Variants in HRK observed in about 807,000 individuals in gnomAD.
HRK encodes activator of apoptosis harakiri.
A neutral mutation model predicts 5.9 loss-of-function variants in HRK; 6 were observed. The ratio of observed to expected loss-of-function variants is 1.02; its 90% CI spans 0.56 to 2.01. The LOEUF is 2.01. Ranked by LOEUF, HRK falls within the 30% of genes most tolerant of loss-of-function variation. The pLI, the probability that HRK is intolerant of heterozygous loss-of-function variation, is 0.00. For missense variants in HRK, 133 were observed against 128.3 expected (o/e 1.04, Z -0.18); for synonymous variants, 85 against 65.1 (o/e 1.31, Z -1.47).
chr12:116,866,712 C>G (rs1158397048), intron 1 of HRK, among the ~76,000 whole-genome samples: 3 of 152,082 alleles, frequency 2.0e-5, no homozygotes, highest in Non-Finnish European at 2.9e-5. Flanking sequence ...TGGAGAGAGA[C>G]CTGAGCTCCT....
intron 1 of HRK, among the ~76,000 whole-genome samples, chr12:116,864,420 C>T (rs1878466844): frequency 6.6e-6 from 1 of 152,136 alleles, no homozygotes; most frequent in African/African-American, 2.4e-5. Flanking sequence ...GAGACCAGTA[C>T]TGTAAATGAC....
At position 116,859,007 on chromosome 12, in the gene HRK, C is replaced by T. The variant is rs1051803016; in HGVS notation, c.*2516G>A. The T allele has an allele frequency of 6.6e-6, 1 of 151,980 alleles. No individual in the cohort carries two copies. The highest frequency in any genetic ancestry group is 1.5e-5 in the Non-Finnish European group (1 of 68,022). The allele number at this position is 151,980 out of a possible 1,614,324, so 9.4% of individuals were successfully genotyped here. A position where few individuals can be genotyped will look rare whatever the true frequency, so the allele number is the denominator to read the frequency against. ...ACCCCGTGTCAAAAATCGGGGCAGT[C>T]GAGAAGTGCACTCCAATGAATGATG... On this transcript the variant is annotated 3_prime_UTR_variant, in exon 2 of 2. Transcript: ENST00000257572.
In HRK at chr12:116,878,747, A is replaced by AC. The variant is rs1879029866; in HGVS notation, c.*56+2228dup. Among the ~76,000 whole-genome samples the AC allele has an allele frequency of 6.6e-6, 1 of 152,080 alleles. No individual in the cohort carries two copies. Among genetic ancestry groups the AC allele is most frequent in the Admixed American group, 6.5e-5 (1 of 15,272 alleles). ...ACCCTGGAGGGTGTGGCTGCAGGGGACGCCCGGGCGGGACAAGGCAGGTAG... is the reference window on the plus strand; with the variant it reads ...ACCCTGGAGGGTGTGGCTGCAGGGGACCGCCCGGGCGGGACAAGGCAGGTAG... On this transcript the variant is annotated intron_variant, in intron 1 of 1. Coordinates refer to ENST00000257572, the MANE Select transcript of HRK (RefSeq NM_003806.4). This position sits in a 1 kb window ranked among gnomAD's most constrained non-coding sequence, Gnocchi z 4.4.
At chr12:116,876,877 T>C (rs1175182062) in intron 1 of HRK, 1 of 152,368 alleles carries the variant, frequency 6.6e-6, no homozygotes, top group East Asian at 1.9e-4. Flanking sequence ...CTATCTCCTC[T>C]TCCCCCGCAA....
chr12:116,870,655 A>G (rs1056590738), intron 1 of HRK, among the ~76,000 whole-genome samples: 22 of 152,186 alleles, frequency 1.4e-4, no homozygotes, highest in Admixed American at 5.2e-4. Context: ...TCTAAAAAAA[A>G]GTAAAAAATT....
In HRK at chr12:116,859,390, C is replaced by T. The variant is rs1878274642; in HGVS notation, c.*2133G>A. 1 of 152,084 alleles carries T rather than the reference C, an allele frequency of 6.6e-6. No homozygotes were observed. The highest frequency in any genetic ancestry group is 1.5e-5 in the Non-Finnish European group (1 of 68,016). 9.4% of individuals were successfully genotyped at this position (152,084 alleles called of 1,614,324 possible). A position where few individuals can be genotyped will look rare whatever the true frequency, so the allele number is the denominator to read the frequency against. On this transcript the variant is annotated 3_prime_UTR_variant, in exon 2 of 2. Transcript: ENST00000257572. ...ATACAGCTGTGTAGTAATGGACGCC[C>T]CTCCCCAGAAAATGGGGGGAGCTGG...
At chr12:116,875,662 G>A (rs1878899965) in intron 1 of HRK, among the ~76,000 whole-genome samples, 1 of 152,076 alleles carries the variant, frequency 6.6e-6, no homozygotes, top group Admixed American at 6.6e-5. Context: ...TCCTGCCTCA[G>A]CCTCCCAAGT....
At chr12:116,866,177 C>G (rs1440533740) in intron 1 of HRK, among the ~76,000 whole-genome samples, 1 of 55,832 alleles carries the variant, frequency 1.8e-5, no homozygotes, top group Non-Finnish European at 3.8e-5. Flanking sequence ...AAAAAAAAAG[C>G]AGTTTCTCGC....
In HRK at chr12:116,857,102, G is replaced by C. The variant is rs1878179614; in HGVS notation, c.*4421C>G. ...TACTATATAACAATCTGCCAGCAAA[G>C]CTTGGGGTCACAGTGGTGACCTGAC... On this transcript the variant is annotated 3_prime_UTR_variant, in exon 2 of 2. Coordinates refer to ENST00000257572, the MANE Select transcript of HRK (RefSeq NM_003806.4). 1 of 152,224 alleles carries C rather than the reference G, an allele frequency of 6.6e-6. No individual in the cohort carries two copies. Among genetic ancestry groups the C allele is most frequent in the Non-Finnish European group, 1.5e-5 (1 of 68,040 alleles). 9.4% of individuals were successfully genotyped at this position (152,224 alleles called of 1,614,324 possible).
rs1048541637 is a variant in HRK at position 116,881,157 on chromosome 12, G to C, written c.151C>G (p.Arg51Gly). 11 of 1,178,870 alleles carry C rather than the reference G, an allele frequency of 9.3e-6. No individual in the cohort carries two copies. The highest frequency in any genetic ancestry group is 3.9e-5 in the East Asian group (1 of 25,580). The allele number at this position is 1,178,870 out of a possible 1,614,324, so 73.0% of individuals were successfully genotyped here. The change falls in exon 1 of 2, where the codon CGG (arginine) becomes GGG (glycine). Residue 51 changes from arginine to glycine, a missense_variant. Physicochemically the swap from Arg to Gly is moderately radical, Grantham distance 125. Transcript: ENST00000257572. ...GCCCTCCGGCTCCGCGCGCGGCGCC[G>C]CCACATGGTGCGCTGGTGCAGCTCG... ...GDELHQRTMWRRRARSRRAPA... is the reference protein window; with the variant it reads ...GDELHQRTMWGRRARSRRAPA...
rs1878168808 is a variant in HRK at position 116,856,825 on chromosome 12, C to G, written c.*4698G>C. ...GTGGCCTTCAGCTAAGTTGCTTAAC[C>G]TCTCTGAGCCTCAGCTTCCTCCACT... On this transcript the variant is annotated 3_prime_UTR_variant, in exon 2 of 2. Coordinates refer to ENST00000257572, the MANE Select transcript of HRK (RefSeq NM_003806.4). The surrounding 1 kb of genome is among the most constrained non-coding windows in gnomAD (Gnocchi z 4.4). 1.3e-5 allele frequency: 2 copies of G among 152,276 alleles called. No homozygotes were observed. Among genetic ancestry groups the G allele is most frequent in the African/African-American group, 2.4e-5 (1 of 41,464 alleles). The allele number at this position is 152,276 out of a possible 1,614,324, so 9.4% of individuals were successfully genotyped here. A position where few individuals can be genotyped will look rare whatever the true frequency, so the allele number is the denominator to read the frequency against.
chr12:116,875,165 T>G (rs145795264), intron 1 of HRK, among the ~76,000 whole-genome samples: 10 of 152,350 alleles, frequency 6.6e-5, no homozygotes, highest in African/African-American at 2.4e-4. Flanking sequence ...ATTTAAAGCC[T>G]ACAGTGTGTG....
chr12:116,873,668 C>A (rs998438146), intron 1 of HRK, among the ~76,000 whole-genome samples: 1 of 152,146 alleles, frequency 6.6e-6, no homozygotes, highest in African/African-American at 2.4e-5. Context: ...CCACCACATC[C>A]AGCTACTTTT....
chr12:116,856,381 T>C lies in HRK; in HGVS notation c.*5142A>G, dbSNP rs1312615505. ...CACACGGGCTCCTTGGCGCTTATAG[T>C]GCAAAGACCTTCAGGAGAAGAAACT... On this transcript the variant is annotated 3_prime_UTR_variant, in exon 2 of 2. Transcript: ENST00000257572. The surrounding 1 kb of genome is among the most constrained non-coding windows in gnomAD (Gnocchi z 4.4). 1 of 152,236 alleles carries C rather than the reference T, an allele frequency of 6.6e-6. No homozygotes were observed. Among genetic ancestry groups the C allele is most frequent in the South Asian group, 2.1e-4 (1 of 4,816 alleles). The allele number at this position is 152,236 out of a possible 1,614,324, so 9.4% of individuals were successfully genotyped here. A position where few individuals can be genotyped will look rare whatever the true frequency, so the allele number is the denominator to read the frequency against.
chr12:116,868,268 T>TAAAA (rs1878619969), intron 1 of HRK, among the ~76,000 whole-genome samples: 1 of 152,076 alleles, frequency 6.6e-6, no homozygotes, highest in Non-Finnish European at 1.5e-5. Context: ...AATGCCTGAC[T>TAAAA]TTTAAGTGTT....
Position 116,856,307 on chromosome 12 carries a change from G to A in HRK, c.*5216C>T, listed in dbSNP as rs1878143697. Reference sequence around the variant, plus strand: ...GCTTATTGCCTCTCTGGCTAGGCCAGAGGCCTCACTAAGGTTCTCCAGATA... The same window carrying A: ...GCTTATTGCCTCTCTGGCTAGGCCAAAGGCCTCACTAAGGTTCTCCAGATA... On this transcript the variant is annotated 3_prime_UTR_variant, in exon 2 of 2. Coordinates refer to ENST00000257572, the MANE Select transcript of HRK (RefSeq NM_003806.4). The surrounding 1 kb of genome is among the most constrained non-coding windows in gnomAD (Gnocchi z 4.4). 6.6e-6 allele frequency: 1 copy of A among 152,218 alleles called. No individual in the cohort carries two copies. The highest frequency in any genetic ancestry group is 1.5e-5 in the Non-Finnish European group (1 of 68,070). 9.4% of individuals were successfully genotyped at this position (152,218 alleles called of 1,614,324 possible).
Position 116,857,670 on chromosome 12 carries a change from A to G in HRK, c.*3853T>C, listed in dbSNP as rs1414988240. On this transcript the variant is annotated 3_prime_UTR_variant, in exon 2 of 2. Transcript: ENST00000257572. ...GGAGAACATGAGATCAGCTACATAC[A>G]TTGTGAAAACCAGTCACAGTTTCAT... 6.6e-6 allele frequency: 1 copy of G among 152,206 alleles called. No homozygotes were observed. The highest frequency in any genetic ancestry group is 1.5e-5 in the Non-Finnish European group (1 of 68,050). 9.4% of individuals were successfully genotyped at this position (152,206 alleles called of 1,614,324 possible).
intron 1 of HRK, chr12:116,867,500 C>G (rs1878589198): frequency 6.6e-6 from 1 of 152,074 alleles, no homozygotes; most frequent in Non-Finnish European, 1.5e-5. Flanking sequence ...CCCAGCTACT[C>G]AGGAGGCTGA....
intron 1 of HRK, among the ~76,000 whole-genome samples, chr12:116,877,851 G>A (rs1029587491): frequency 2.0e-5 from 3 of 152,094 alleles, no homozygotes; most frequent in Admixed American, 6.5e-5. Context: ...TTGCTGGTTC[G>A]CAGTAGAGAC....
Sources: allele counts gnomAD v4.1 joint callset (sites outside exome capture counted in the v4.1 genomes callset), GRCh38; gene constraint gnomAD v4.1.1; non-coding constraint Gnocchi (gnomAD v3.1); transcripts MANE v1.5; gene names NCBI Gene and HGNC (gene_info 2026-07-23, HGNC 2026-07-21).